Variants in SPIRE1 observed in about 807,000 individuals in gnomAD.
The protein encoded by SPIRE1 is spire type actin nucleation factor 1.
SPIRE1 carries 40 observed loss-of-function variants against 94.1 expected under a neutral mutation model. That is an observed-to-expected ratio of 0.43 (90% CI 0.33 to 0.55). SPIRE1 has a LOEUF of 0.55. Among genes scored for constraint, SPIRE1 ranks in the 20% least tolerant of loss-of-function variants. The pLI, the probability that SPIRE1 is intolerant of heterozygous loss-of-function variation, is 0.06. For synonymous variants in SPIRE1, 376 were observed against 371.7 expected (o/e 1.01, Z -0.13); for missense variants, 838 against 975.2 (o/e 0.86, Z 1.87).
At chr18:12,458,575 C>G (rs1305310788) in intron 12 of SPIRE1, among the ~76,000 whole-genome samples, 1 of 152,150 alleles carries the variant, frequency 6.6e-6, no homozygotes, top group South Asian at 2.1e-4. Context: ...TATCGCGTCA[C>G]TGCACTCCAG....
At chr18:12,615,345 A>AAAAAAAAAAAAAAAT in intron 2 of SPIRE1, among the ~76,000 whole-genome samples, 35 of 17,236 alleles carry the variant, frequency 2.0e-3, no homozygotes, top group African/African-American at 3.0e-3. Context: ...AAAAAAAAAA[A>AAAAAAAAAAAAAAAT]ATATATATAT....
chr18:12,497,137 C>A (rs551460796), intron 6 of SPIRE1, among the ~76,000 whole-genome samples: 133 of 152,014 alleles, frequency 8.7e-4, no homozygotes, highest in African/African-American at 3.0e-3. Context: ...TAGAAAAAAA[C>A]CAGGGATAAG....
intron 2 of SPIRE1, 71 bp from the exon 3 acceptor site, chr18:12,546,975 G>T: frequency 9.7e-7 from 1 of 1,035,108 alleles, no homozygotes; most frequent in Non-Finnish European, 1.4e-6. Context: ...TGAGGCATAA[G>T]ATGTTTAGTA....
chr18:12,651,900 T>G (rs542056168), intron 1 of SPIRE1, among the ~76,000 whole-genome samples: 42 of 152,166 alleles, frequency 2.8e-4, no homozygotes, highest in Non-Finnish European at 5.7e-4. Context: ...TTTATTAGTA[T>G]GCACACAGGC....
At chr18:12,601,337 C>A (rs1376036166) in intron 2 of SPIRE1, among the ~76,000 whole-genome samples, 1 of 151,704 alleles carries the variant, frequency 6.6e-6, no homozygotes, top group African/African-American at 2.4e-5. Context: ...GCAGGAGAGT[C>A]ACTTGAACCC....
At chr18:12,646,573 T>C (rs1287838185) in intron 1 of SPIRE1, among the ~76,000 whole-genome samples, 1 of 152,136 alleles carries the variant, frequency 6.6e-6, no homozygotes, top group Non-Finnish European at 1.5e-5. Context: ...AGGCAACCTA[T>C]AGGGATTGTT....
intron 8 of SPIRE1, among the ~76,000 whole-genome samples, chr18:12,492,856 T>C (rs112574142): frequency 5.3e-5 from 8 of 152,222 alleles, no homozygotes; most frequent in African/African-American, 1.9e-4. Context: ...GGCGGAAGGA[T>C]TTCCCACCCT....
intron 1 of SPIRE1, among the ~76,000 whole-genome samples, chr18:12,645,245 A>G (rs1042861357): frequency 9.2e-5 from 14 of 152,312 alleles, no homozygotes; most frequent in African/African-American, 3.1e-4. Context: ...TCTCCATGTT[A>G]TGGTGTGACA....
rs80270002 is a variant in SPIRE1, at chr18:12,561,052, C to T, written c.373-14148G>A. Among the ~76,000 whole-genome samples, 1,484 of 152,224 alleles carry T rather than the reference C, an allele frequency of 9.7e-3. 31 individuals are homozygous for T. The highest frequency in any genetic ancestry group is 0.034 in the African/African-American group (1,427 of 41,542). ...GACCCCATTACCCCAGTGATTATTA[C>T]GCACTGGATGTCTGTATCAAAATAT... On this transcript the variant is annotated intron_variant, in intron 2 of 16. Coordinates refer to ENST00000409402, the MANE Select transcript of SPIRE1 (RefSeq NM_001128626.2).
chr18:12,619,847 G>GGA (rs1406779702), intron 2 of SPIRE1, among the ~76,000 whole-genome samples: 16 of 55,484 alleles, frequency 2.9e-4, no homozygotes, highest in Non-Finnish European at 4.9e-5. Context: ...CTCTGCCTCA[G>GGA]GAAAAAAAAA....
intron 2 of SPIRE1, among the ~76,000 whole-genome samples, chr18:12,632,733 AGTTAG>A (rs1476119463): frequency 4.9e-4 from 65 of 131,402 alleles, no homozygotes; most frequent in Admixed American, 8.8e-4. Context: ...ACTTCTATTT[AGTTAG>A]ATTCCAATTC....
intron 1 of SPIRE1, among the ~76,000 whole-genome samples, chr18:12,653,812 A>G (rs900754723): frequency 6.6e-6 from 1 of 151,848 alleles, no homozygotes; most frequent in East Asian, 1.9e-4. Context: ...CAGGCGTGGT[A>G]GTGCATGTCT....
chr18:12,461,587 A>ACATACATATGTATG (rs2031859443), intron 12 of SPIRE1, among the ~76,000 whole-genome samples: 1 of 147,406 alleles, frequency 6.8e-6, no homozygotes, highest in Non-Finnish European at 1.5e-5. Flanking sequence ...ACATATGTAT[A>ACATACATATGTATG]TACATACATA....
At chr18:12,579,932 G>C (rs2036211214) in intron 2 of SPIRE1, among the ~76,000 whole-genome samples, 1 of 152,152 alleles carries the variant, frequency 6.6e-6, no homozygotes, top group Non-Finnish European at 1.5e-5. Context: ...CCTGTAACCA[G>C]CATTTGACAC....
At chr18:12,476,586 TATACACACACAC>T (rs2032605265) in intron 10 of SPIRE1, among the ~76,000 whole-genome samples, 1 of 119,766 alleles carries the variant, frequency 8.3e-6, no homozygotes, top group Non-Finnish European at 1.7e-5. Flanking sequence ...TATATATATA[TATACACACACAC>T]ACACACACAC....
chr18:12,573,438 T>C (rs969315587), intron 2 of SPIRE1, among the ~76,000 whole-genome samples: 1 of 152,192 alleles, frequency 6.6e-6, no homozygotes, highest in African/African-American at 2.4e-5. Flanking sequence ...AACACACTAT[T>C]ACCAAATGAT....
Position 12,657,893 on chromosome 18 carries a change from G to T in SPIRE1, c.-27C>A, listed in dbSNP as rs1338685865. ...CCGCGGGTGGGCGCTGCGCTCGGCA[G>T]TCGCGCCGTGTGCCGGCGTCTCCTC... On this transcript the variant is annotated 5_prime_UTR_variant, in exon 1 of 17. The change creates a new upstream start codon in the 5' untranslated region. Coordinates refer to ENST00000409402, the MANE Select transcript of SPIRE1 (RefSeq NM_001128626.2). 3 of 1,035,620 alleles carry T rather than the reference G, an allele frequency of 2.9e-6. No individual in the cohort carries two copies. The East Asian group carries it at 2.7e-4, about 94-fold the overall frequency. The allele number at this position is 1,035,620 out of a possible 1,614,324, so 64.2% of individuals were successfully genotyped here.
intron 2 of SPIRE1, among the ~76,000 whole-genome samples, chr18:12,628,959 G>A (rs1057143344): frequency 2.0e-5 from 3 of 152,182 alleles, no homozygotes; most frequent in Admixed American, 6.5e-5. Context: ...CTTTATTTCT[G>A]AGATGTGAAC....
At chr18:12,451,743 AC>A (rs2031250391) in intron 16 of SPIRE1, among the ~76,000 whole-genome samples, 1 of 152,150 alleles carries the variant, frequency 6.6e-6, no homozygotes, top group Non-Finnish European at 1.5e-5. Context: ...CCAACACTAA[AC>A]TTACCCTGCA....
Sources: allele counts gnomAD v4.1 joint callset (sites outside exome capture counted in the v4.1 genomes callset), GRCh38; gene constraint gnomAD v4.1.1; transcripts MANE v1.5; gene names NCBI Gene and HGNC (gene_info 2026-07-23, HGNC 2026-07-21).